OGDHL: variants seen among roughly 807,000 people sequenced by gnomAD.
OGDHL encodes 2-oxoglutarate dehydrogenase-like, mitochondrial.
Under a neutral mutation model 109.6 loss-of-function variants are expected in OGDHL, and 79 were observed. That is an observed-to-expected ratio of 0.72 (90% CI 0.60 to 0.87). The LOEUF is 0.87. OGDHL is among the 40% of genes least tolerant of loss of function. The probability of loss-of-function intolerance (pLI) is 0.00; values close to 1 mark genes in which losing one functional copy is unlikely to be tolerated. For missense variants in OGDHL, 1,275 were observed against 1,362.2 expected (o/e 0.94, Z 1.01); for synonymous variants, 528 against 537.2 (o/e 0.98, Z 0.24).
chr10:49,739,680 G>A lies in OGDHL; in HGVS notation c.2300C>T (p.Pro767Leu). ...CCTCACCATGCCTTCCATGCCATGGGGCAGCAGCAGCACAATGCCATTATG... is the reference window on the plus strand; with the variant it reads ...CCTCACCATGCCTTCCATGCCATGGAGCAGCAGCAGCACAATGCCATTATG... ...VRHNGIVLLL[P>L]HGMEGMGPEH... is the part of the protein sequence containing the mutation. Residue 767 changes from proline (P) to leucine (L), a missense_variant, in exon 17 of 23, where the codon CCC (proline) becomes CTC (leucine). Transcript: ENST00000374103. The A allele has an allele frequency of 1.2e-6, 2 of 1,613,730 alleles. No homozygotes were observed. The highest frequency in any genetic ancestry group is 8.5e-7 in the Non-Finnish European group (1 of 1,179,802).
intron 1 of OGDHL, among the ~76,000 whole-genome samples, chr10:49,759,471 C>T (rs1017118425): frequency 6.6e-6 from 1 of 152,122 alleles, no homozygotes; most frequent in Non-Finnish European, 1.5e-5. Context: ...ATATCTAAAT[C>T]TTGGGCTTTC....
chr10:49,749,413 G>T (rs1415731900), intron 8 of OGDHL, among the ~76,000 whole-genome samples: 1 of 152,152 alleles, frequency 6.6e-6, no homozygotes, highest in Non-Finnish European at 1.5e-5. Flanking sequence ...TGGACATGGA[G>T]GCACAGCCAC....
rs1223946307 is a variant in OGDHL at position 49,734,731 on chromosome 10, C to T, written c.*497G>A. On this transcript the variant is annotated 3_prime_UTR_variant, in exon 23 of 23. Coordinates refer to ENST00000374103, the MANE Select transcript of OGDHL (RefSeq NM_018245.3). ...GCTGCATTTCACACAGAAGCTGACA[C>T]ATCTCGCAGGAATGCCCCATAAAAC... The T allele has an allele frequency of 1.3e-5, 2 of 152,514 alleles. No homozygotes were observed. The highest frequency in any genetic ancestry group is 4.8e-5 in the African/African-American group (2 of 41,450). The allele number at this position is 152,514 out of a possible 1,614,324, so 9.4% of individuals were successfully genotyped here. A position where few individuals can be genotyped will look rare whatever the true frequency, so the allele number is the denominator to read the frequency against.
At chr10:49,754,736 A>G (rs1447609134) in intron 3 of OGDHL, among the ~76,000 whole-genome samples, 2 of 152,176 alleles carry the variant, frequency 1.3e-5, no homozygotes, top group Non-Finnish European at 2.9e-5. Context: ...GTCAAAGTAC[A>G]GAAATTACAT....
At chr10:49,749,322 G>A (rs915128421) in intron 8 of OGDHL, among the ~76,000 whole-genome samples, 3 of 152,174 alleles carry the variant, frequency 2.0e-5, no homozygotes, top group Non-Finnish European at 2.9e-5. Flanking sequence ...CGATGGGTAC[G>A]GAAAACCATC....
Position 49,747,168 on chromosome 10 carries a change from T to G in OGDHL, c.1028A>C (p.Glu343Ala). Reference sequence around the variant, plus strand: ...CCGGTTGGTGACGCGGTTGATCCTCTCATGGTACATGCCCAGGTGGTACTT... The same window carrying G: ...CCGGTTGGTGACGCGGTTGATCCTCGCATGGTACATGCCCAGGTGGTACTT... ...DVKYHLGMYHERINRVTNRNI... is the reference protein window; with the variant it reads ...DVKYHLGMYHARINRVTNRNI... Residue 343 changes from glutamate (E) to alanine (A), a missense_variant, in exon 9 of 23, where the codon GAG (glutamate) becomes GCG (alanine). Coordinates refer to ENST00000374103, the MANE Select transcript of OGDHL (RefSeq NM_018245.3). 6.2e-7 allele frequency: 1 copy of G among 1,614,158 alleles called. No homozygotes were observed. The highest frequency in any genetic ancestry group is 8.5e-7 in the Non-Finnish European group (1 of 1,179,990).
intron 3 of OGDHL, among the ~76,000 whole-genome samples, chr10:49,754,521 C>T (rs1842802436): frequency 6.6e-6 from 1 of 152,128 alleles, no homozygotes; most frequent in African/African-American, 2.4e-5. Flanking sequence ...GGAAGTTTCT[C>T]CTGATAGTGG....
intron 15 of OGDHL, among the ~76,000 whole-genome samples, chr10:49,742,179 ACACAC>A: frequency 7.8e-6 from 1 of 128,992 alleles, no homozygotes; most frequent in Admixed American, 8.6e-5. Context: ...CACGCCCCAC[ACACAC>A]TATACACACC....
rs901367790 is a variant in OGDHL, at chr10:49,740,499, T to G, written c.2140+211A>C. The stretch of plus-strand genomic sequence containing the variant: ...CTCAAGGCAAGGAGGTCCCCCCAAC[T>G]GGGATCCCCAAGGGGCCCAGATGGG... On this transcript the variant is annotated intron_variant, in intron 16 of 22. Coordinates refer to ENST00000374103, the MANE Select transcript of OGDHL (RefSeq NM_018245.3). Among the ~76,000 whole-genome samples the G allele has an allele frequency of 3.3e-5, 5 of 152,138 alleles. No homozygotes were observed. In the South Asian group the frequency reaches 8.3e-4, roughly 25 times the overall value.
Position 49,750,894 on chromosome 10 carries a change from T to C in OGDHL, c.841A>G (p.Ile281Val), listed in dbSNP as rs1284196247. The change falls in exon 7 of 23, where the codon ATC (isoleucine) becomes GTC (valine). Residue 281 changes from isoleucine to valine, a missense_variant. Physicochemically the swap from Ile to Val is conservative, Grantham distance 29. Transcript: ENST00000374103. ...EVMIPALKTI[I>V]DKSSEMGIEN... ...ATCCCCATCTCGCTGGATTTGTCGATGATGGTCTTGAGGGCAGGAATCATC... is the reference window on the plus strand; with the variant it reads ...ATCCCCATCTCGCTGGATTTGTCGACGATGGTCTTGAGGGCAGGAATCATC... The C allele has an allele frequency of 1.9e-6, 3 of 1,612,604 alleles. No individual in the cohort carries two copies. In the East Asian group the frequency reaches 6.7e-5, roughly 36 times the overall value.
At chr10:49,746,069 A>C in intron 10 of OGDHL, 92 bp from the exon 11 acceptor site, 1 of 1,427,074 alleles carries the variant, frequency 7.0e-7, no homozygotes, top group Non-Finnish European at 9.5e-7. Context: ...GGGGATGCTC[A>C]AGGTCCACTG....
chr10:49,758,654 C>G (rs1242873764), intron 1 of OGDHL, 61 bp from the exon 2 acceptor site: 2 of 1,530,670 alleles, frequency 1.3e-6, no homozygotes, highest in Non-Finnish European at 1.8e-6. Context: ...AGAGGCTCTA[C>G]CAAGCCACTG....
intron 20 of OGDHL, 86 bp downstream of exon 20, chr10:49,737,700 G>A: frequency 1.4e-6 from 2 of 1,433,958 alleles, no homozygotes; most frequent in South Asian, 2.3e-5. Flanking sequence ...GCAGAGGGGA[G>A]GTTGGAGAAG....
chr10:49,748,836 C>G (rs1842389895), intron 8 of OGDHL, among the ~76,000 whole-genome samples: 1 of 151,828 alleles, frequency 6.6e-6, no homozygotes, highest in South Asian at 2.1e-4. Context: ...CAAAGGGACA[C>G]AGAGGAGGGA....
At chr10:49,754,461 C>T (rs893958461) in intron 3 of OGDHL, among the ~76,000 whole-genome samples, 1 of 152,154 alleles carries the variant, frequency 6.6e-6, no homozygotes, top group Non-Finnish European at 1.5e-5. Flanking sequence ...AAGCAGTGAT[C>T]CTGTCTTTCC....
intron 14 of OGDHL, 148 bp from the exon 15 acceptor site, chr10:49,743,126 C>G (rs1841914721): frequency 9.7e-7 from 1 of 1,033,358 alleles, no homozygotes; most frequent in African/African-American, 1.6e-5. Flanking sequence ...GGCCCAGGGC[C>G]AGGCACCCCT....
chr10:49,746,745 C>A lies in OGDHL; in HGVS notation c.1296+5G>T, dbSNP rs746415675. The A allele has an allele frequency of 3.1e-6, 5 of 1,613,836 alleles. No individual in the cohort carries two copies. Among genetic ancestry groups the A allele is most frequent in the Non-Finnish European group, 4.2e-6 (5 of 1,179,912 alleles). On this transcript the variant is annotated splice_donor_5th_base_variant and intron_variant, in intron 10 of 22. Coordinates refer to ENST00000374103, the MANE Select transcript of OGDHL (RefSeq NM_018245.3). ...TGAGGCCCAGCGTGGAGCCTACATGCTCACCTGGTTGTTGACGACGACGTG... is the reference window on the plus strand; with the variant it reads ...TGAGGCCCAGCGTGGAGCCTACATGATCACCTGGTTGTTGACGACGACGTG...
At chr10:49,748,463 C>T (rs1401515424) in intron 8 of OGDHL, among the ~76,000 whole-genome samples, 2 of 152,194 alleles carry the variant, frequency 1.3e-5, no homozygotes, top group African/African-American at 2.4e-5. Flanking sequence ...CACTGAGGAA[C>T]ATATTCTCAT....
chr10:49,742,397 CACACCACACACACCA>C (rs2132992337), intron 15 of OGDHL, among the ~76,000 whole-genome samples: 1 of 115,850 alleles, frequency 8.6e-6, no homozygotes, highest in East Asian at 4.9e-4. Context: ...CACCCCCACA[CACACCACACACACCA>C]TACACACATA....
Sources: allele counts gnomAD v4.1 joint callset (sites outside exome capture counted in the v4.1 genomes callset), GRCh38; gene constraint gnomAD v4.1.1; transcripts MANE v1.5; gene names NCBI Gene and HGNC (gene_info 2026-07-23, HGNC 2026-07-21).